The following ANKRD30B variants were observed in gnomAD, a reference collection of about 807,000 sequenced individuals.
ANKRD30B encodes the protein ankyrin repeat domain-containing protein 30B.
Under a neutral mutation model 202.2 loss-of-function variants are expected in ANKRD30B, and 144 were observed. The observed-to-expected ratio is 0.71, with a 90% CI of 0.62 to 0.82. The LOEUF is 0.82. ANKRD30B is among the 40% of genes least tolerant of loss of function. The pLI is 0.00. For synonymous variants in ANKRD30B, 508 were observed against 561.3 expected (o/e 0.91, Z 1.34); for missense variants, 1,487 against 1,669.1 (o/e 0.89, Z 1.90).
intron 34 of ANKRD30B, among the ~76,000 whole-genome samples, chr18:14,833,003 C>A (rs1198111363): frequency 6.9e-6 from 1 of 145,716 alleles, no homozygotes; most frequent in Non-Finnish European, 1.5e-5. Context: ...GTGGCGTGAT[C>A]TCGGCTGACT....
the ANKRD30B span, among the ~76,000 whole-genome samples, chr18:14,916,757 A>T: frequency 1.3e-5 from 2 of 152,240 alleles, no homozygotes; most frequent in African/African-American, 4.8e-5. Flanking sequence ...AAGGCCAACA[A>T]GAATGATAGC....
the ANKRD30B span, among the ~76,000 whole-genome samples, chr18:14,915,255 T>C: frequency 3.9e-5 from 6 of 152,220 alleles, no homozygotes; most frequent in East Asian, 1.2e-3. Context: ...CTTGGTAATT[T>C]GTGTCTGAAG....
chr18:14,807,653 T>C (rs1175950357), intron 24 of ANKRD30B, among the ~76,000 whole-genome samples: 4 of 148,994 alleles, frequency 2.7e-5, no homozygotes, highest in Admixed American at 1.3e-4. Flanking sequence ...CAGCTCCGGC[T>C]CCCAAGTAGC....
intron 7 of ANKRD30B, among the ~76,000 whole-genome samples, chr18:14,765,468 AAAAAAAGAAAAAG>A (rs1311677573): frequency 6.6e-6 from 1 of 152,050 alleles, no homozygotes; most frequent in African/African-American, 2.4e-5. Flanking sequence ...ATCTGAAAAA[AAAAAAAGAAAAAG>A]AAAAAGAAAA....
chr18:14,750,765 T>C (rs1231511442), intron 1 of ANKRD30B, among the ~76,000 whole-genome samples: 1 of 152,106 alleles, frequency 6.6e-6, no homozygotes, highest in Admixed American at 6.6e-5. Flanking sequence ...CGGAAGTATG[T>C]TGACATTTGA....
chr18:14,806,426 C>T (rs1969518522), intron 24 of ANKRD30B, among the ~76,000 whole-genome samples: 1 of 150,800 alleles, frequency 6.6e-6, no homozygotes. Flanking sequence ...ATTTCAATAG[C>T]CATTACAAAT....
chr18:14,893,988 T>C, the ANKRD30B span, among the ~76,000 whole-genome samples: 1 of 151,778 alleles, frequency 6.6e-6, no homozygotes, highest in South Asian at 2.1e-4. Flanking sequence ...GAATCAGCTC[T>C]TGCAATAGAA....
chr18:14,891,915 T>C, the ANKRD30B span, among the ~76,000 whole-genome samples: 1 of 152,252 alleles, frequency 6.6e-6, no homozygotes, highest in Non-Finnish European at 1.5e-5. Flanking sequence ...AATAAATTCA[T>C]TGATTCAGCA....
the ANKRD30B span, among the ~76,000 whole-genome samples, chr18:14,927,258 A>G: frequency 0.02 from 3,082 of 152,330 alleles, 108 homozygotes; most frequent in African/African-American, 0.07. Flanking sequence ...TATAAAAAAT[A>G]CCCACTAATT....
At chr18:14,765,535 C>G (rs1448184188) in intron 7 of ANKRD30B, among the ~76,000 whole-genome samples, 1 of 152,046 alleles carries the variant, frequency 6.6e-6, no homozygotes, top group African/African-American at 2.4e-5. Context: ...CTATTGAACT[C>G]TGCATTGTAG....
At chr18:14,892,538 A>G in the ANKRD30B span, among the ~76,000 whole-genome samples, 4 of 152,014 alleles carry the variant, frequency 2.6e-5, no homozygotes, top group South Asian at 4.1e-4. Context: ...CAGGAGTTCA[A>G]TACTAACCTG....
At position 14,810,088 on chromosome 18, in the gene ANKRD30B, G is replaced by T; in HGVS notation, c.2416-20G>T. 7.4e-6 allele frequency: 11 copies of T among 1,489,036 alleles called. No homozygotes were observed. Among genetic ancestry groups the T allele is most frequent in the Non-Finnish European group, 1.0e-5 (11 of 1,088,860 alleles). The allele number at this position is 1,489,036 out of a possible 1,614,324, so 92.2% of individuals were successfully genotyped here. On this transcript the variant is annotated intron_variant, in intron 27 of 43. Transcript: ENST00000690538. ...AAGTATACATTATCTATTAATTTTT[G>T]TGTTTCCAAACCCATTTAGCCTACC...
chr18:14,797,321 T>C (rs1334878593), intron 18 of ANKRD30B, among the ~76,000 whole-genome samples: 1 of 152,168 alleles, frequency 6.6e-6, no homozygotes, highest in South Asian at 2.1e-4. Context: ...CCTCCCTGAC[T>C]GCACATCCAT....
At chr18:14,781,759 C>T (rs1249281128) in intron 11 of ANKRD30B, among the ~76,000 whole-genome samples, 1 of 152,138 alleles carries the variant, frequency 6.6e-6, no homozygotes, top group East Asian at 1.9e-4. Context: ...TTACAGACTC[C>T]CTGCTGAGTT....
At chr18:14,893,654 A>G in the ANKRD30B span, among the ~76,000 whole-genome samples, 1 of 152,128 alleles carries the variant, frequency 6.6e-6, no homozygotes, top group African/African-American at 2.4e-5. Context: ...CCTACCCTCC[A>G]AATCAGAAGC....
chr18:14,854,070 A>C (rs1459686739), intron 43 of ANKRD30B, among the ~76,000 whole-genome samples, 122 bp from the exon 44 acceptor site: 3 of 152,242 alleles, frequency 2.0e-5, no homozygotes, highest in Non-Finnish European at 2.9e-5. Context: ...ACTAATATCC[A>C]CAGGAAGACT....
intron 4 of ANKRD30B, 135 bp from the exon 5 acceptor site, chr18:14,757,679 TG>T: frequency 2.2e-6 from 2 of 924,656 alleles, no homozygotes; most frequent in South Asian, 2.3e-5. Flanking sequence ...TTAGATTTGG[TG>T]GTGATTTGCA....
intron 33 of ANKRD30B, among the ~76,000 whole-genome samples, chr18:14,828,808 G>A (rs1024907786): frequency 3.3e-5 from 5 of 152,178 alleles, no homozygotes; most frequent in Non-Finnish European, 5.9e-5. Context: ...TATCACCAAC[G>A]TTTTTAGAGC....
chr18:14,865,233 C>T, the ANKRD30B span, among the ~76,000 whole-genome samples: 1 of 151,728 alleles, frequency 6.6e-6, no homozygotes, highest in African/African-American at 2.4e-5. Context: ...CCTCTTTATC[C>T]TTCTCCCACT....
Sources: gnomAD v4.1 joint callset for allele counts (sites outside exome capture counted in the v4.1 genomes callset) on GRCh38, gnomAD v4.1.1 for gene constraint, MANE v1.5 for transcripts, NCBI Gene and HGNC (gene_info 2026-07-23, HGNC 2026-07-21) for gene names.